LRIG1: variants seen among roughly 807,000 people sequenced by gnomAD.
LRIG1 encodes the protein leucine rich repeats and immunoglobulin like domains 1, also known as leucine-rich repeats and immunoglobulin-like domains protein 1.
LRIG1 carries 48 observed loss-of-function variants against 99.2 expected under a neutral mutation model. The ratio of observed to expected loss-of-function variants is 0.48; its 90% CI spans 0.38 to 0.62. LRIG1 has a LOEUF of 0.62. LRIG1 is among the 20% of genes least tolerant of loss of function. The probability of loss-of-function intolerance (pLI) is 0.00; values close to 1 mark genes in which losing one functional copy is unlikely to be tolerated. For synonymous variants in LRIG1, 772 were observed against 596.1 expected (o/e 1.29, Z -4.30); for missense variants, 1,646 against 1,434.4 (o/e 1.15, Z -2.38).
At position 66,500,640 on chromosome 3, in the gene LRIG1, G is replaced by GA; in HGVS notation, c.-234_-233insT. 1 of 311,558 alleles carries GA rather than the reference G, an allele frequency of 3.2e-6. No homozygotes were observed. The highest frequency in any genetic ancestry group is 5.8e-6 in the Non-Finnish European group (1 of 171,150). The allele number at this position is 311,558 out of a possible 1,614,324, so 19.3% of individuals were successfully genotyped here. ...GCAAACCCCGCGCCCATCCGGGCCG[G>GA]CCGGCCCGCCCGCGCTAGCTGCGAA... is the stretch of plus-strand genomic sequence containing the variant. On this transcript the variant is annotated 5_prime_UTR_variant, in exon 1 of 19. Transcript: ENST00000273261.
intron 1 of LRIG1, among the ~76,000 whole-genome samples, chr3:66,493,337 T>A (rs146665813): frequency 6.6e-6 from 1 of 152,198 alleles, no homozygotes; most frequent in African/African-American, 2.4e-5. Flanking sequence ...AAAAGGATAG[T>A]GGTAAACAGA....
chr3:66,489,603 T>C (rs988945939), intron 1 of LRIG1, among the ~76,000 whole-genome samples: 1 of 152,090 alleles, frequency 6.6e-6, no homozygotes, highest in East Asian at 1.9e-4. Flanking sequence ...TAGATACAGA[T>C]CAATTTAATT....
At chr3:66,413,389 G>A (rs1702529010) in intron 5 of LRIG1, among the ~76,000 whole-genome samples, 1 of 152,258 alleles carries the variant, frequency 6.6e-6, no homozygotes, top group South Asian at 2.1e-4. Context: ...AATGTCTTAT[G>A]TGAGGTATCT....
intron 11 of LRIG1, among the ~76,000 whole-genome samples, chr3:66,395,841 G>C (rs1016418448): frequency 3.9e-5 from 6 of 152,244 alleles, no homozygotes; most frequent in African/African-American, 1.4e-4. Flanking sequence ...AGAACTCTCC[G>C]CTGTCAGAAG....
chr3:66,477,251 C>T (rs563874133), intron 1 of LRIG1, among the ~76,000 whole-genome samples: 1 of 152,196 alleles, frequency 6.6e-6, no homozygotes. Flanking sequence ...TAACTGATGG[C>T]TGCTGTTGCC....
chr3:66,500,183 C>T lies in LRIG1; in HGVS notation c.218+7G>A. 1 of 1,514,768 alleles carries T rather than the reference C, an allele frequency of 6.6e-7. No individual in the cohort carries two copies. The allele number at this position is 1,514,768 out of a possible 1,614,324, so 93.8% of individuals were successfully genotyped here. On this transcript the variant is annotated splice_region_variant and intron_variant, in intron 1 of 18. Transcript: ENST00000273261. ...GGCGCAGAGAGGGCGGAAAGGGCGG[C>T]ACTCACAGGCTCCGCGTCCAGGAGG...
chr3:66,414,382 C>T (rs1334887090), intron 5 of LRIG1, among the ~76,000 whole-genome samples: 1 of 150,962 alleles, frequency 6.6e-6, no homozygotes, highest in African/African-American at 2.4e-5. Flanking sequence ...GGGGACAGAG[C>T]GAGACTGTCG....
chr3:66,472,479 C>T (rs751484129), intron 1 of LRIG1, among the ~76,000 whole-genome samples: 15 of 152,164 alleles, frequency 9.9e-5, no homozygotes, highest in Non-Finnish European at 2.1e-4. Context: ...TTCCGATACA[C>T]TGAAATGATT....
chr3:66,406,251 G>A, intron 8 of LRIG1: 1 of 985,448 alleles, frequency 1.0e-6, no homozygotes, highest in Non-Finnish European at 1.2e-6. Flanking sequence ...TCCTCTCAAT[G>A]GGTTCCTTCC....
chr3:66,475,649 G>A (rs145189310), intron 1 of LRIG1, among the ~76,000 whole-genome samples: 2 of 152,336 alleles, frequency 1.3e-5, no homozygotes, highest in Non-Finnish European at 2.9e-5. Context: ...GGATCAATAA[G>A]CCAAAGTGGC....
rs55651719 is a variant in LRIG1 at position 66,408,913 on chromosome 3, A to AGTGTGTGTGTGTGTGTGTGTGTGT, written c.935+1192_935+1215dup. Among the ~76,000 whole-genome samples the AGTGTGTGTGTGTGTGTGTGTGTGT allele has an allele frequency of 3.4e-4, 12 of 34,914 alleles. 1 individual carries two copies. In the South Asian group the frequency reaches 5.2e-3, roughly 15 times the overall value. 22.9% of individuals were successfully genotyped at this position (34,914 alleles called of 152,430 possible). A position where few individuals can be genotyped will look rare whatever the true frequency, so the allele number is the denominator to read the frequency against. ...GTCACCAAAATATAAACTCCAAGTC[A>AGTGTGTGTGTGTGTGTGTGTGTGT]GTGTGTGTGTGTGTGTGTGTGTGTG... On this transcript the variant is annotated intron_variant, in intron 7 of 18. Coordinates refer to ENST00000273261, the MANE Select transcript of LRIG1 (RefSeq NM_015541.3).
chr3:66,381,427 C>T (rs1320856777), intron 17 of LRIG1, 52 bp downstream of exon 17: 23 of 1,580,512 alleles, frequency 1.5e-5, no homozygotes, highest in Non-Finnish European at 1.7e-5. Flanking sequence ...ACTAGGTCAG[C>T]CCAAATTTCC....
chr3:66,493,423 C>A lies in LRIG1; in HGVS notation c.218+6767G>T, dbSNP rs563732755. ...TTGCTAATTATATAATCTGTTGCAA[C>A]TGTTCATAGCTTCCTGCCTGTTTGG... On this transcript the variant is annotated intron_variant, in intron 1 of 18. Coordinates refer to ENST00000273261, the MANE Select transcript of LRIG1 (RefSeq NM_015541.3). 5.9e-5 allele frequency among the ~76,000 whole-genome samples: 9 copies of A among 152,274 alleles called. No homozygotes were observed. The South Asian group carries it at 1.9e-3, about 32-fold the overall frequency.
chr3:66,439,833 C>T (rs1455695207), intron 3 of LRIG1, among the ~76,000 whole-genome samples: 4 of 152,164 alleles, frequency 2.6e-5, no homozygotes, highest in African/African-American at 7.2e-5. Context: ...AGACCAAACA[C>T]CCTCACCCGC....
chr3:66,417,909 T>C (rs576795250), intron 3 of LRIG1, among the ~76,000 whole-genome samples: 192 of 152,242 alleles, frequency 1.3e-3, no homozygotes, highest in African/African-American at 4.4e-3. Flanking sequence ...CTACCATTAA[T>C]ATTAAGCATT....
Position 66,451,634 on chromosome 3 carries a change from C to T in LRIG1, c.291-1G>A. ...TGTCAACTCATTATTATTGAGGTAC[C>T]TGTAACAACAACAAGAAATTAATCA... On this transcript the variant is annotated splice_acceptor_variant, in intron 2 of 18. Coordinates refer to ENST00000273261, the MANE Select transcript of LRIG1 (RefSeq NM_015541.3). LOFTEE classifies it high-confidence loss of function. The T allele has an allele frequency of 6.2e-7, 1 of 1,611,364 alleles. No individual in the cohort carries two copies. Among genetic ancestry groups the T allele is most frequent in the Non-Finnish European group, 8.5e-7 (1 of 1,177,670 alleles).
chr3:66,418,656 G>A (rs1265102608), intron 3 of LRIG1, among the ~76,000 whole-genome samples: 2 of 152,182 alleles, frequency 1.3e-5, no homozygotes, highest in Admixed American at 6.5e-5. Flanking sequence ...CAGCATCTCT[G>A]GCCAATCAAA....
chr3:66,399,158 C>G (rs535635966), intron 9 of LRIG1, 117 bp from the exon 10 acceptor site: 2 of 836,660 alleles, frequency 2.4e-6, no homozygotes, highest in Admixed American at 2.1e-5. Flanking sequence ...CCTGATAAGT[C>G]TGTCCAGTGA....
chr3:66,442,276 T>C (rs1703565475), intron 3 of LRIG1, among the ~76,000 whole-genome samples: 1 of 152,174 alleles, frequency 6.6e-6, no homozygotes, highest in Admixed American at 6.5e-5. Context: ...ACTTGGGCTA[T>C]AAAAGCTGAA....
Sources: gnomAD v4.1 joint callset for allele counts (sites outside exome capture counted in the v4.1 genomes callset) on GRCh38, gnomAD v4.1.1 for gene constraint, MANE v1.5 for transcripts, NCBI Gene and HGNC (gene_info 2026-07-23, HGNC 2026-07-21) for gene names.